MICU3: variants seen among roughly 807,000 people sequenced by gnomAD.
MICU3 encodes calcium uptake protein 3, mitochondrial.
A neutral mutation model predicts 66.5 loss-of-function variants in MICU3; 62 were observed. The observed-to-expected ratio is 0.93, with a 90% confidence interval of 0.76 to 1.15. MICU3 has a LOEUF of 1.15. Among genes scored for constraint, MICU3 ranks in the 50% most tolerant of loss-of-function variants. The probability of loss-of-function intolerance (pLI) is 0.00; values close to 1 mark genes in which losing one functional copy is unlikely to be tolerated. For missense variants in MICU3, 779 were observed against 664.4 expected, an observed-to-expected ratio of 1.17 and a Z score of -1.90; for synonymous variants, 308 against 240.7, an observed-to-expected ratio of 1.28 and a Z score of -2.59.
chr8:17,031,941 T>C (rs1563261490), intron 1 of MICU3, among the ~76,000 whole-genome samples: 1 of 152,236 alleles, frequency 6.6e-6, no homozygotes, highest in Non-Finnish European at 1.5e-5. Flanking sequence ...GTTTGTCTTC[T>C]TTACTTGTCT....
intron 1 of MICU3, among the ~76,000 whole-genome samples, chr8:17,051,904 A>G (rs558323040): frequency 3.3e-5 from 5 of 152,208 alleles, no homozygotes; most frequent in Admixed American, 6.5e-5. Context: ...GAGGAGGGAC[A>G]GGGCACTTTC....
chr8:17,039,895 C>CTT (rs35133600), intron 1 of MICU3, among the ~76,000 whole-genome samples: 12,119 of 62,516 alleles, frequency 0.19, 4,607 homozygotes, highest in Non-Finnish European at 0.27. Context: ...ATCTTGCATT[C>CTT]TTTTTTTTTT....
chr8:17,036,825 A>G (rs1344614358), intron 1 of MICU3, among the ~76,000 whole-genome samples: 1 of 152,188 alleles, frequency 6.6e-6, no homozygotes, highest in African/African-American at 2.4e-5. Flanking sequence ...CGCACTCCTC[A>G]GCCCTTGGGT....
chr8:17,108,158 C>G (rs908857817), intron 11 of MICU3, among the ~76,000 whole-genome samples: 2 of 152,078 alleles, frequency 1.3e-5, no homozygotes, highest in Admixed American at 6.6e-5. Context: ...CTGAGCTAAG[C>G]AAAACCATGA....
intron 8 of MICU3, 198 bp downstream of exon 8, chr8:17,090,782 A>T: frequency 2.5e-6 from 1 of 405,406 alleles, no homozygotes. Context: ...TATGCAGAAT[A>T]ATTATATATC....
chr8:17,085,706 T>A (rs1033079696), intron 6 of MICU3, among the ~76,000 whole-genome samples: 2 of 152,056 alleles, frequency 1.3e-5, no homozygotes, highest in East Asian at 1.9e-4. Context: ...GGGATTCATG[T>A]TTTTTCTTTC....
At chr8:17,082,248 A>G (rs1311926545) in intron 5 of MICU3, among the ~76,000 whole-genome samples, 2 of 152,136 alleles carry the variant, frequency 1.3e-5, no homozygotes, top group Non-Finnish European at 2.9e-5. Context: ...ACAATCTGTT[A>G]TAGTTTACTG....
intron 14 of MICU3, among the ~76,000 whole-genome samples, chr8:17,119,339 C>G (rs1284861301): frequency 6.6e-6 from 1 of 151,984 alleles, no homozygotes; most frequent in African/African-American, 2.4e-5. Flanking sequence ...ATGTGTCAAA[C>G]TTGTTTCTAA....
At chr8:17,077,696 A>C in intron 3 of MICU3, 87 bp from the exon 4 acceptor site, 1 of 906,436 alleles carries the variant, frequency 1.1e-6, no homozygotes, top group Non-Finnish European at 1.7e-6. Flanking sequence ...TAAGTGGAGA[A>C]TTTGGCATGG....
intron 3 of MICU3, among the ~76,000 whole-genome samples, chr8:17,076,185 G>A (rs1234894012): frequency 6.6e-6 from 1 of 151,824 alleles, no homozygotes. Context: ...ACGCCACCAT[G>A]CCCAGCTAAT....
At chr8:17,118,810 TA>T (rs777223613) in intron 14 of MICU3, 35 bp downstream of exon 14, 11 of 1,237,788 alleles carry the variant, frequency 8.9e-6, no homozygotes, top group Non-Finnish European at 1.2e-5. Flanking sequence ...ATTTGTTCAG[TA>T]ACAATAGGGA....
intron 2 of MICU3, among the ~76,000 whole-genome samples, chr8:17,065,547 A>G (rs1238403075): frequency 6.6e-6 from 1 of 152,174 alleles, no homozygotes; most frequent in Non-Finnish European, 1.5e-5. Context: ...AAAGGATGAG[A>G]AAAGGGGACA....
intron 1 of MICU3, among the ~76,000 whole-genome samples, chr8:17,039,508 A>G (rs980160804): frequency 3.3e-5 from 5 of 152,206 alleles, no homozygotes; most frequent in African/African-American, 7.2e-5. Flanking sequence ...TGACCATCTA[A>G]TAGAGTCACA....
intron 4 of MICU3, among the ~76,000 whole-genome samples, chr8:17,078,788 A>G (rs1379508286): frequency 6.6e-6 from 1 of 152,122 alleles, no homozygotes; most frequent in Non-Finnish European, 1.5e-5. Flanking sequence ...AAGAGACACC[A>G]TATCTTTTAT....
intron 3 of MICU3, among the ~76,000 whole-genome samples, chr8:17,070,856 T>C (rs1392163922): frequency 2.0e-5 from 3 of 152,066 alleles, no homozygotes. Context: ...TACTGAACCC[T>C]ATATGTACTA....
At chr8:17,110,606 C>G (rs1563392647) in intron 11 of MICU3, among the ~76,000 whole-genome samples, 1 of 152,104 alleles carries the variant, frequency 6.6e-6, no homozygotes, top group Non-Finnish European at 1.5e-5. Flanking sequence ...CTCTGCCACC[C>G]AGGCTGGAGT....
At chr8:17,074,908 C>G (rs1318996268) in intron 3 of MICU3, among the ~76,000 whole-genome samples, 1 of 152,030 alleles carries the variant, frequency 6.6e-6, no homozygotes, top group Non-Finnish European at 1.5e-5. Context: ...AAGCATGGTG[C>G]CTAACAAGAC....
chr8:17,078,667 T>C (rs1820735546), intron 4 of MICU3, among the ~76,000 whole-genome samples: 1 of 152,114 alleles, frequency 6.6e-6, no homozygotes, highest in Non-Finnish European at 1.5e-5. Context: ...AATAATGTAC[T>C]TCAGCCTGAA....
chr8:17,043,181 C>T lies in MICU3; in HGVS notation c.381+15521C>T, dbSNP rs147236319. On this transcript the variant is annotated intron_variant, in intron 1 of 14. Coordinates refer to ENST00000318063, the MANE Select transcript of MICU3 (RefSeq NM_181723.3). ...GTCTCGATCTCCTGACCTCGTGATC[C>T]GCCCGCCTCGGCCTCCCAAATGGCT... Among the ~76,000 whole-genome samples, 507 of 151,942 alleles carry T rather than the reference C, an allele frequency of 3.3e-3. 2 individuals are homozygous for T. The highest frequency in any genetic ancestry group is 5.3e-3 in the Non-Finnish European group (362 of 67,972).
Sources: gnomAD v4.1 joint callset for allele counts (sites outside exome capture counted in the v4.1 genomes callset) on GRCh38, gnomAD v4.1.1 for gene constraint, MANE v1.5 for transcripts, NCBI Gene and HGNC (gene_info 2026-07-23, HGNC 2026-07-21) for gene names.